VAV3: variants seen among roughly 807,000 people sequenced by gnomAD.
The protein encoded by VAV3 is guanine nucleotide exchange factor VAV3.
VAV3 carries 94 observed loss-of-function variants against 131.2 expected under a neutral mutation model. The ratio of observed to expected loss-of-function variants is 0.72; its 90% confidence interval spans 0.61 to 0.85. The LOEUF (loss-of-function observed/expected upper bound fraction) is 0.85. Among genes scored for constraint, VAV3 ranks in the 40% least tolerant of loss-of-function variants. The pLI, the probability that VAV3 is intolerant of heterozygous loss-of-function variation, is 0.00. For missense variants in VAV3, 939 were observed against 1,002.7 expected, an observed-to-expected ratio of 0.94 and a Z score of 0.86; for synonymous variants, 349 against 342.0, an observed-to-expected ratio of 1.02 and a Z score of -0.22.
intron 19 of VAV3, among the ~76,000 whole-genome samples, chr1:107,644,386 T>G (rs1387786259): frequency 6.6e-6 from 1 of 152,114 alleles, no homozygotes; most frequent in Admixed American, 6.6e-5. Context: ...TTCACCTCCT[T>G]TTTATTGAGC....
At chr1:107,723,576 G>T (rs371005839) in intron 15 of VAV3, among the ~76,000 whole-genome samples, 46 of 112,884 alleles carry the variant, frequency 4.1e-4, no homozygotes, top group African/African-American at 1.3e-3. Flanking sequence ...CTTCTGAGTT[G>T]AAGCTATATT....
chr1:107,573,434 T>C, intron 26 of VAV3, 62 bp from the exon 27 acceptor site: 3 of 1,599,136 alleles, frequency 1.9e-6, no homozygotes, highest in Non-Finnish European at 2.6e-6. Context: ...CAAAGGATTC[T>C]ACAAACAGAG....
At chr1:107,697,788 C>T (rs896242579) in intron 17 of VAV3, among the ~76,000 whole-genome samples, 3 of 152,246 alleles carry the variant, frequency 2.0e-5, no homozygotes, top group African/African-American at 7.2e-5. Flanking sequence ...CATGTCTTCT[C>T]GCAGCACTAC....
chr1:107,771,063 A>G (rs138801343), intron 5 of VAV3, among the ~76,000 whole-genome samples: 1,800 of 152,342 alleles, frequency 0.012, 20 homozygotes, highest in East Asian at 0.039. Context: ...TACTATAGAA[A>G]TAACTGCAAA....
chr1:107,772,188 T>C (rs923357447), intron 5 of VAV3, among the ~76,000 whole-genome samples: 1 of 152,222 alleles, frequency 6.6e-6, no homozygotes, highest in South Asian at 2.1e-4. Flanking sequence ...GTTCTGGATA[T>C]ATTAATAGCA....
chr1:107,946,506 C>G (rs1674266696), intron 1 of VAV3, among the ~76,000 whole-genome samples: 1 of 152,136 alleles, frequency 6.6e-6, no homozygotes, highest in Non-Finnish European at 1.5e-5. Context: ...AATATGTTAA[C>G]AGGAGCTACA....
intron 1 of VAV3, among the ~76,000 whole-genome samples, chr1:107,942,421 C>T (rs941990926): frequency 2.0e-5 from 3 of 152,180 alleles, no homozygotes; most frequent in Non-Finnish European, 4.4e-5. Context: ...ACTCTCACTA[C>T]ATCTTTAAAG....
chr1:107,897,856 G>T (rs571887249), intron 1 of VAV3, among the ~76,000 whole-genome samples: 1 of 152,198 alleles, frequency 6.6e-6, no homozygotes, highest in African/African-American at 2.4e-5. Context: ...TTTTATTGCT[G>T]TACCTTACTT....
chr1:107,767,602 C>T (rs7523266), intron 7 of VAV3, among the ~76,000 whole-genome samples: 30,046 of 152,162 alleles, frequency 0.2, 3,098 homozygotes, highest in East Asian at 0.35. Flanking sequence ...CCAACTGCTA[C>T]TCAGCAACAC....
intron 19 of VAV3, among the ~76,000 whole-genome samples, chr1:107,656,581 T>C (rs920556564): frequency 1.3e-5 from 2 of 152,112 alleles, no homozygotes; most frequent in African/African-American, 4.8e-5. Flanking sequence ...CATTGCATAT[T>C]TCAAAATAGC....
intron 15 of VAV3, among the ~76,000 whole-genome samples, chr1:107,717,946 G>A (rs1437130251): frequency 3.3e-5 from 5 of 152,076 alleles, no homozygotes; most frequent in Non-Finnish European, 4.4e-5. Flanking sequence ...TATATATTTA[G>A]GATAGTTAGC....
chr1:107,684,171 T>C (rs1323066623), intron 18 of VAV3, among the ~76,000 whole-genome samples: 3 of 152,208 alleles, frequency 2.0e-5, no homozygotes, highest in Non-Finnish European at 4.4e-5. Context: ...AAATTACAGA[T>C]GAAACACAAA....
chr1:107,808,804 GT>G (rs1187646577), intron 2 of VAV3, among the ~76,000 whole-genome samples: 14 of 152,198 alleles, frequency 9.2e-5, no homozygotes, highest in Admixed American at 1.3e-4. Context: ...AACAAATGAA[GT>G]TTTTTTCCAA....
intron 2 of VAV3, among the ~76,000 whole-genome samples, chr1:107,783,817 G>A (rs1227581818): frequency 2.0e-5 from 3 of 151,900 alleles, no homozygotes; most frequent in African/African-American, 7.3e-5. Flanking sequence ...GGGAGGCTGA[G>A]GCGGGCAGAT....
intron 2 of VAV3, among the ~76,000 whole-genome samples, chr1:107,789,448 T>C (rs17020047): frequency 0.083 from 12,625 of 152,228 alleles, 794 homozygotes; most frequent in East Asian, 0.27. Flanking sequence ...AAGAAAATCA[T>C]GAAGCATCTG....
intron 15 of VAV3, among the ~76,000 whole-genome samples, chr1:107,727,645 C>A (rs1177599964): frequency 2.0e-5 from 3 of 152,176 alleles, no homozygotes; most frequent in African/African-American, 4.8e-5. Context: ...GTCAACCTAG[C>A]AAGTATATTC....
At chr1:107,687,772 ATC>A (rs1369618657) in intron 18 of VAV3, among the ~76,000 whole-genome samples, 1 of 152,292 alleles carries the variant, frequency 6.6e-6, no homozygotes, top group East Asian at 1.9e-4. Flanking sequence ...ATATCCCATC[ATC>A]TTCTGTATTT....
At chr1:107,960,747 T>C (rs1166914442) in intron 1 of VAV3, among the ~76,000 whole-genome samples, 3 of 152,240 alleles carry the variant, frequency 2.0e-5, no homozygotes, top group Non-Finnish European at 2.9e-5. Flanking sequence ...AGGAATATTC[T>C]TTTTTCCAAA....
intron 19 of VAV3, among the ~76,000 whole-genome samples, chr1:107,657,644 C>G (rs1420876867): frequency 6.6e-6 from 1 of 152,112 alleles, no homozygotes; most frequent in Non-Finnish European, 1.5e-5. Context: ...CCACAGAGGT[C>G]AACTGAAGTT....
Sources: allele counts gnomAD v4.1 joint callset (sites outside exome capture counted in the v4.1 genomes callset), GRCh38; gene constraint gnomAD v4.1.1; transcripts MANE v1.5; gene names NCBI Gene and HGNC (gene_info 2026-07-23, HGNC 2026-07-21).